CDH12: variants seen among roughly 807,000 people sequenced by gnomAD.
CDH12 encodes cadherin 12.
In CDH12, 41 loss-of-function variants were observed where a neutral mutation model predicts 74.1. The observed-to-expected ratio is 0.55, with a 90% confidence interval of 0.43 to 0.72. The LOEUF is 0.72. Ranked by LOEUF, CDH12 falls within the 30% of genes least tolerant of loss-of-function variation. The pLI, the probability that CDH12 is intolerant of heterozygous loss-of-function variation, is 0.00. For missense variants in CDH12, 945 were observed against 977.2 expected (o/e 0.97, Z 0.44); for synonymous variants, 399 against 355.0 (o/e 1.12, Z -1.39).
chr5:21,855,408 T>A (rs1750701402), intron 6 of CDH12, among the ~76,000 whole-genome samples: 1 of 151,244 alleles, frequency 6.6e-6, no homozygotes, highest in Non-Finnish European at 1.5e-5. Flanking sequence ...CTTTCCTAAT[T>A]TTTTTTTGGC....
intron 1 of CDH12, among the ~76,000 whole-genome samples, chr5:22,641,939 C>T (rs531475255): frequency 1.3e-5 from 2 of 152,256 alleles, no homozygotes; most frequent in East Asian, 1.9e-4. Flanking sequence ...GCAATTTCCC[C>T]TGCTAGGCTG....
chr5:22,189,474 T>C (rs1004218350), intron 4 of CDH12, among the ~76,000 whole-genome samples: 4 of 152,046 alleles, frequency 2.6e-5, no homozygotes, highest in African/African-American at 4.8e-5. Context: ...GCTGAGATAT[T>C]GCATACTGTA....
chr5:21,915,804 A>G (rs977095587), intron 6 of CDH12, among the ~76,000 whole-genome samples: 1 of 141,108 alleles, frequency 7.1e-6, no homozygotes, highest in Non-Finnish European at 1.5e-5. Context: ...TGGGTACACC[A>G]GTTTCTGATC....
chr5:21,937,580 T>C (rs1755130117), intron 6 of CDH12, among the ~76,000 whole-genome samples: 1 of 152,182 alleles, frequency 6.6e-6, no homozygotes, highest in Non-Finnish European at 1.5e-5. Flanking sequence ...AAATGATTTC[T>C]TAGTTTCTTA....
chr5:21,990,402 A>C (rs1237724281), intron 5 of CDH12, among the ~76,000 whole-genome samples: 1 of 152,088 alleles, frequency 6.6e-6, no homozygotes, highest in Non-Finnish European at 1.5e-5. Flanking sequence ...CACTTATTAC[A>C]TTTGCGTTAT....
intron 1 of CDH12, chr5:22,639,054 A>G (rs1738997422): frequency 3.0e-5 from 1 of 33,512 alleles, no homozygotes; most frequent in Non-Finnish European, 5.5e-5. Context: ...CCGCCTCAAA[A>G]AAAAAAAAAA....
In CDH12 at chr5:22,190,589, A is replaced by T. The variant is rs553615821; in HGVS notation, c.-187+21909T>A. 4.6e-5 allele frequency among the ~76,000 whole-genome samples: 7 copies of T among 152,296 alleles called. No individual in the cohort carries two copies. In the East Asian group the frequency reaches 9.7e-4, roughly 21 times the overall value. On this transcript the variant is annotated intron_variant, in intron 4 of 14. Coordinates refer to ENST00000382254, the MANE Select transcript of CDH12 (RefSeq NM_004061.5). ...CTTCTCTTGTCTACAAAAAAGCCAC[A>T]GATGTTAGAATTTCTTATGGTTTGG...
At position 21,774,365 on chromosome 5, in the gene CDH12, G is replaced by A. The variant is rs578030682; in HGVS notation, c.1393+8993C>T. 4 of 152,278 alleles carry A rather than the reference G, an allele frequency of 2.6e-5. No individual in the cohort carries two copies. In the South Asian group the frequency reaches 8.3e-4, roughly 32 times the overall value. The allele number at this position is 152,278 out of a possible 1,614,324, so 9.4% of individuals were successfully genotyped here. ...TTTGGACTCTTGGACTTAGACCAGTGATTTACCAGGGACTCTCGGTCCTTC... is the reference window on the plus strand; with the variant it reads ...TTTGGACTCTTGGACTTAGACCAGTAATTTACCAGGGACTCTCGGTCCTTC... On this transcript the variant is annotated intron_variant, in intron 11 of 14. Transcript: ENST00000382254.
chr5:22,459,836 C>A (rs1745429212), intron 2 of CDH12, among the ~76,000 whole-genome samples: 1 of 152,076 alleles, frequency 6.6e-6, no homozygotes, highest in Admixed American at 6.5e-5. Flanking sequence ...CATGGTGGCA[C>A]ACACCTGTAG....
chr5:22,409,380 T>A (rs1048283373), intron 2 of CDH12, among the ~76,000 whole-genome samples: 8 of 151,980 alleles, frequency 5.3e-5, no homozygotes, highest in African/African-American at 1.9e-4. Flanking sequence ...AAAAATATAA[T>A]AAAATAAAAA....
At chr5:22,270,546 G>T (rs1397202479) in intron 3 of CDH12, among the ~76,000 whole-genome samples, 1 of 150,596 alleles carries the variant, frequency 6.6e-6, no homozygotes, top group Non-Finnish European at 1.5e-5. Context: ...AGTGAGCTGA[G>T]ATGGCACTGT....
chr5:22,315,119 C>CTTTTTTTTTTTTTTTTTTTT lies in CDH12; in HGVS notation c.-333+90118_-333+90137dup, dbSNP rs70959715. Among the ~76,000 whole-genome samples, 4 of 22,996 alleles carry CTTTTTTTTTTTTTTTTTTTT rather than the reference C, an allele frequency of 1.7e-4. 1 individual carries two copies. Among genetic ancestry groups the CTTTTTTTTTTTTTTTTTTTT allele is most frequent in the African/African-American group, 4.4e-4 (2 of 4,522 alleles). 15.1% of individuals were successfully genotyped at this position (22,996 alleles called of 152,430 possible). ...GGCGCCTGCCACCGTGCCTGCCTGG[C>CTTTTTTTTTTTTTTTTTTTT]TTTTTTTTTTTTTTTTTTTTTTTTA... On this transcript the variant is annotated intron_variant, in intron 3 of 14. Coordinates refer to ENST00000382254, the MANE Select transcript of CDH12 (RefSeq NM_004061.5).
intron 4 of CDH12, among the ~76,000 whole-genome samples, chr5:22,209,938 C>A (rs550631734): frequency 1.3e-5 from 2 of 151,782 alleles, no homozygotes; most frequent in East Asian, 3.9e-4. Context: ...GTTATAGGTT[C>A]ATTACTGTGT....
At chr5:22,190,793 T>C (rs1265386799) in intron 4 of CDH12, among the ~76,000 whole-genome samples, 1 of 152,184 alleles carries the variant, frequency 6.6e-6, no homozygotes, top group Non-Finnish European at 1.5e-5. Context: ...CTTCAATTAA[T>C]CTTCTCAATG....
At chr5:22,570,337 C>T (rs1405617006) in intron 1 of CDH12, among the ~76,000 whole-genome samples, 1 of 152,118 alleles carries the variant, frequency 6.6e-6, no homozygotes, top group Non-Finnish European at 1.5e-5. Context: ...GCATGAGCCA[C>T]TGTGCCCGGC....
intron 2 of CDH12, among the ~76,000 whole-genome samples, chr5:22,472,699 AC>A (rs1338061154): frequency 2.6e-5 from 4 of 152,016 alleles, no homozygotes; most frequent in Admixed American, 2.0e-4. Context: ...ATTCTATTGA[AC>A]CCTTGTAACT....
chr5:22,016,322 T>C (rs1352058834), intron 5 of CDH12, among the ~76,000 whole-genome samples: 1 of 152,140 alleles, frequency 6.6e-6, no homozygotes, highest in Non-Finnish European at 1.5e-5. Flanking sequence ...CAGTAAGGTT[T>C]ATGTAAGCTG....
At chr5:22,158,899 T>C (rs1748173569) in intron 4 of CDH12, among the ~76,000 whole-genome samples, 1 of 152,246 alleles carries the variant, frequency 6.6e-6, no homozygotes, top group East Asian at 1.9e-4. Flanking sequence ...TATAATGGTG[T>C]CCCTTCAGCT....
chr5:21,946,847 T>C (rs564020867), intron 6 of CDH12, among the ~76,000 whole-genome samples: 1 of 152,352 alleles, frequency 6.6e-6, no homozygotes, highest in South Asian at 2.1e-4. Flanking sequence ...TGTCTAGTAC[T>C]GATATTGTTT....
Sources: allele counts gnomAD v4.1 joint callset (sites outside exome capture counted in the v4.1 genomes callset), GRCh38; gene constraint gnomAD v4.1.1; transcripts MANE v1.5; gene names NCBI Gene and HGNC (gene_info 2026-07-23, HGNC 2026-07-21).